SHANK2: variants seen among roughly 807,000 people sequenced by gnomAD.
The protein encoded by SHANK2 is SH3 and multiple ankyrin repeat domains protein 2.
SHANK2 carries 43 observed loss-of-function variants against 133.7 expected under a neutral mutation model. That is an observed-to-expected ratio of 0.32 (90% confidence interval 0.25 to 0.41). The LOEUF is 0.41. Among genes scored for constraint, SHANK2 ranks in the 10% least tolerant of loss-of-function variants. The pLI, the probability that SHANK2 is intolerant of heterozygous loss-of-function variation, is 1.00. For synonymous variants in SHANK2, 1,017 were observed against 952.8 expected (o/e 1.07, Z -1.24); for missense variants, 1,994 against 2,235.8 (o/e 0.89, Z 2.18).
chr11:71,147,448 T>G, intron 2 of SHANK2, 110 bp from the exon 3 acceptor site: 1 of 814,928 alleles, frequency 1.2e-6, no homozygotes, highest in Non-Finnish European at 1.7e-6. Flanking sequence ...GGTTTCACAG[T>G]CTGTGTTTGT....
intron 17 of SHANK2, among the ~76,000 whole-genome samples, chr11:70,622,373 C>T (rs1401738050): frequency 4.6e-5 from 7 of 152,128 alleles, no homozygotes; most frequent in Admixed American, 4.6e-4. Flanking sequence ...GTCCTCTCCA[C>T]CCCGGTGTTT....
chr11:70,877,157 T>C (rs909472671), intron 11 of SHANK2, among the ~76,000 whole-genome samples: 1 of 152,092 alleles, frequency 6.6e-6, no homozygotes, highest in African/African-American at 2.4e-5. Context: ...GCAACAATGG[T>C]GTTCTGAATT....
At chr11:70,498,959 T>A (rs2059011271) in intron 21 of SHANK2, among the ~76,000 whole-genome samples, 1 of 152,208 alleles carries the variant, frequency 6.6e-6, no homozygotes, top group Non-Finnish European at 1.5e-5. Flanking sequence ...TAAGGTCCCA[T>A]TCACAGAACT....
intron 14 of SHANK2, among the ~76,000 whole-genome samples, chr11:70,781,174 G>A (rs1403402862): frequency 1.2e-4 from 18 of 151,396 alleles, no homozygotes; most frequent in Admixed American, 3.3e-4. Context: ...GTGAGACCCC[G>A]GACCGGTTGC....
At chr11:71,085,650 T>TTA (rs1951377513) in intron 8 of SHANK2, among the ~76,000 whole-genome samples, 2 of 25,348 alleles carry the variant, frequency 7.9e-5, no homozygotes, top group Non-Finnish European at 9.5e-5. Context: ...ATATATTATG[T>TTA]TATATATTAT....
intron 1 of SHANK2, among the ~76,000 whole-genome samples, chr11:71,245,984 C>A (rs780609993): frequency 6.6e-6 from 1 of 151,992 alleles, no homozygotes; most frequent in African/African-American, 2.4e-5. Flanking sequence ...GACATTTGTG[C>A]GGGGTGGCAG....
chr11:70,829,569 C>A (rs1396533532), intron 11 of SHANK2, among the ~76,000 whole-genome samples: 1 of 152,154 alleles, frequency 6.6e-6, no homozygotes, highest in African/African-American at 2.4e-5. Context: ...AGACAGCCAG[C>A]CAGATCTGAA....
At chr11:71,098,192 T>C (rs1350967677) in intron 6 of SHANK2, among the ~76,000 whole-genome samples, 1 of 151,226 alleles carries the variant, frequency 6.6e-6, no homozygotes, top group South Asian at 2.1e-4. Context: ...CCTGTGTGTA[T>C]GTGTACATGC....
chr11:70,721,307 G>T (rs1233717350), intron 14 of SHANK2, among the ~76,000 whole-genome samples: 1 of 152,220 alleles, frequency 6.6e-6, no homozygotes, highest in African/African-American at 2.4e-5. Flanking sequence ...GGCTTCCTCC[G>T]CAGTGTCTCA....
At chr11:70,755,954 T>C (rs1946863722) in intron 14 of SHANK2, among the ~76,000 whole-genome samples, 1 of 152,164 alleles carries the variant, frequency 6.6e-6, no homozygotes, top group Non-Finnish European at 1.5e-5. Context: ...CAGCTGTGCC[T>C]GTGCAGAAAG....
intron 17 of SHANK2, among the ~76,000 whole-genome samples, chr11:70,580,066 G>C (rs577724700): frequency 6.6e-6 from 1 of 152,310 alleles, no homozygotes; most frequent in South Asian, 2.1e-4. Flanking sequence ...TAATAAACAC[G>C]TGTTGCTGGA....
chr11:71,236,406 G>A (rs1369796628), intron 1 of SHANK2, among the ~76,000 whole-genome samples: 1 of 152,178 alleles, frequency 6.6e-6, no homozygotes, highest in Admixed American at 6.5e-5. Context: ...AAAGTCAGGA[G>A]TTCTAGACCA....
chr11:70,843,249 CCTATGGGGTGGGCTGGGCTG>C lies in SHANK2; in HGVS notation c.1175-22587_1175-22568del, dbSNP rs1565355567. Among the ~76,000 whole-genome samples the C allele has an allele frequency of 5.2e-5, 6 of 115,508 alleles. No individual in the cohort carries two copies. The East Asian group carries it at 1.4e-3, about 26-fold the overall frequency. The allele number at this position is 115,508 out of a possible 152,430, so 75.8% of individuals were successfully genotyped here. On this transcript the variant is annotated intron_variant, in intron 11 of 25. Transcript: ENST00000601538. ...GGGCTGCTATGGGGTGGGCTGGGCTCCTATGGGGTGGGCTGGGCTGCTATGGGGTGGGCTGGGCTGCTAAA... is the reference window on the plus strand; with the variant it reads ...GGGCTGCTATGGGGTGGGCTGGGCTCCTATGGGGTGGGCTGGGCTGCTAAA...
intron 12 of SHANK2, among the ~76,000 whole-genome samples, chr11:70,812,672 A>G (rs1948303888): frequency 6.6e-6 from 1 of 152,170 alleles, no homozygotes. Flanking sequence ...CAGAAGCCAG[A>G]CCTCTGCAGC....
chr11:70,933,918 A>AAAAC lies in SHANK2; in HGVS notation c.1108-37355_1108-37352dup, dbSNP rs537579644. 5.9e-5 allele frequency among the ~76,000 whole-genome samples: 9 copies of AAAAC among 151,470 alleles called. No individual in the cohort carries two copies. In the East Asian group the frequency reaches 1.2e-3, roughly 20 times the overall value. ...GTGTCTCAAAAAAAAAAAAAAACAA[A>AAAAC]AAACAAACAAACAAACAAACAAAAC... On this transcript the variant is annotated intron_variant, in intron 10 of 25. Transcript: ENST00000601538.
chr11:70,590,952 A>G (rs1189823516), intron 17 of SHANK2, among the ~76,000 whole-genome samples: 2 of 152,216 alleles, frequency 1.3e-5, no homozygotes, highest in East Asian at 3.8e-4. Context: ...TTCATTGCTT[A>G]TAATTAGTAT....
intron 15 of SHANK2, among the ~76,000 whole-genome samples, chr11:70,671,044 T>G (rs935357567): frequency 1.3e-5 from 2 of 152,202 alleles, no homozygotes; most frequent in African/African-American, 2.4e-5. Flanking sequence ...ATTGCTAACA[T>G]GATAAGCAAT....
chr11:71,170,567 C>T (rs1320639458), intron 2 of SHANK2, among the ~76,000 whole-genome samples: 1 of 152,206 alleles, frequency 6.6e-6, no homozygotes, highest in Non-Finnish European at 1.5e-5. Flanking sequence ...ATCTAATGTG[C>T]TAGCTGGGTG....
intron 8 of SHANK2, among the ~76,000 whole-genome samples, chr11:71,090,088 C>CGT (rs1302645293): frequency 0.15 from 20,601 of 140,898 alleles, 1,789 homozygotes; most frequent in Non-Finnish European, 0.2. Flanking sequence ...AGACACAGAA[C>CGT]GTGTGTGTGT....
Sources: allele counts gnomAD v4.1 joint callset (sites outside exome capture counted in the v4.1 genomes callset), GRCh38; gene constraint gnomAD v4.1.1; transcripts MANE v1.5; gene names NCBI Gene and HGNC (gene_info 2026-07-23, HGNC 2026-07-21).